The following ZNF775 variants were observed in gnomAD, a reference collection of about 807,000 sequenced individuals.
ZNF775 encodes the protein zinc finger protein 775.
ZNF775 carries 1 observed loss-of-function variant against 2.4 expected under a neutral mutation model. The observed-to-expected ratio is 0.41, with a 90% CI of 0.15 to 1.94. The LOEUF (loss-of-function observed/expected upper bound fraction) is 1.94. ZNF775 is among the 30% of genes most tolerant of loss of function. The pLI, the probability that ZNF775 is intolerant of heterozygous loss-of-function variation, is 0.30. For missense variants in ZNF775, 823 were observed against 826.6 expected, an observed-to-expected ratio of 1.00 and a Z score of 0.05; for synonymous variants, 381 against 373.3, an observed-to-expected ratio of 1.02 and a Z score of -0.24.
intron 1 of ZNF775, 123 bp from the exon 2 acceptor site, chr7:150,388,299 C>A: frequency 1.5e-6 from 1 of 685,734 alleles, no homozygotes; most frequent in Non-Finnish European, 2.5e-6. Flanking sequence ...TCGAATGTGG[C>A]TATGGATAGA....
At chr7:150,381,332 AG>A (rs1018559515) in intron 1 of ZNF775, among the ~76,000 whole-genome samples, 1 of 152,016 alleles carries the variant, frequency 6.6e-6, no homozygotes, top group Admixed American at 6.5e-5. Context: ...ATAGTGGATA[AG>A]GCAAGTGACC....
rs1285019619 is a variant in ZNF775 at position 150,384,579 on chromosome 7, C to A, written c.-49-3843C>A. Among the ~76,000 whole-genome samples, 1 of 152,198 alleles carries A rather than the reference C, an allele frequency of 6.6e-6. No individual in the cohort carries two copies. ...CTGCTGTGCCATTTCCCAGACATAG[C>A]CCACCTGAGCACACAGGTAGAGGCG... On this transcript the variant is annotated intron_variant, in intron 1 of 2. Transcript: ENST00000329630. This position sits in a 1 kb window ranked among gnomAD's most constrained non-coding sequence, Gnocchi z 4.1.
intron 2 of ZNF775, among the ~76,000 whole-genome samples, chr7:150,390,151 G>A (rs549058416): frequency 8.5e-5 from 13 of 152,218 alleles, no homozygotes; most frequent in African/African-American, 3.1e-4. Context: ...GAGGAGCGGT[G>A]CCATTATTTC....
At chr7:150,388,296 T>G (rs376614859) in intron 1 of ZNF775, 126 bp from the exon 2 acceptor site, 17 of 659,740 alleles carry the variant, frequency 2.6e-5, no homozygotes, top group African/African-American at 9.1e-5. Context: ...ATGTCGAATG[T>G]GGCTATGGAT....
intron 1 of ZNF775, chr7:150,380,181 A>C (rs1010591599): frequency 2.6e-5 from 4 of 152,196 alleles, no homozygotes; most frequent in Admixed American, 2.0e-4. Context: ...AACTGTTCCC[A>C]TGTTCATCTG....
intron 1 of ZNF775, among the ~76,000 whole-genome samples, chr7:150,387,629 C>T (rs1016539361): frequency 6.6e-6 from 1 of 152,146 alleles, no homozygotes; most frequent in Admixed American, 6.5e-5. Context: ...CTGGCTAACA[C>T]GGTGAAACCC....
Position 150,397,243 on chromosome 7 carries a change from G to T in ZNF775, c.762G>T (p.Gly254=). 7 of 1,270,674 alleles carry T rather than the reference G, an allele frequency of 5.5e-6. No individual in the cohort carries two copies. The highest frequency in any genetic ancestry group is 5.0e-6 in the Non-Finnish European group (5 of 1,004,646). The allele number at this position is 1,270,674 out of a possible 1,614,324, so 78.7% of individuals were successfully genotyped here. The part of the protein sequence containing the change: ...PRGRPEWAWL[G]LCQGWWGQPG... The stretch of plus-strand genomic sequence containing the variant: ...GGCGCCCCGAGTGGGCCTGGCTGGG[G>T]CTCTGCCAGGGCTGGTGGGGCCAGC... Residue 254 remains glycine (G), a synonymous_variant, in exon 3 of 3, where the codon GGG becomes GGT. Transcript: ENST00000329630.
chr7:150,379,635 T>G (rs1395716609), intron 1 of ZNF775, among the ~76,000 whole-genome samples: 1 of 148,700 alleles, frequency 6.7e-6, no homozygotes, highest in Non-Finnish European at 1.5e-5. Context: ...CGGCCGAGGG[T>G]GGGGAGGGCG....
rs535705895 is a variant in ZNF775, at chr7:150,391,706, C to CTTTTTTTTTTTT, written c.31+3215_31+3226dup. 4.9e-4 allele frequency among the ~76,000 whole-genome samples: 36 copies of CTTTTTTTTTTTT among 73,556 alleles called. 1 individual carries two copies. Among genetic ancestry groups the CTTTTTTTTTTTT allele is most frequent in the Non-Finnish European group, 6.3e-4 (25 of 39,580 alleles). 48.3% of individuals were successfully genotyped at this position (73,556 alleles called of 152,430 possible). A position where few individuals can be genotyped will look rare whatever the true frequency, so the allele number is the denominator to read the frequency against. ...ATTCCCATTTCTTTTTCCTTTCTTT[C>CTTTTTTTTTTTT]TTTTTTTTTTTTTTTTTTTTTGAGA... On this transcript the variant is annotated intron_variant, in intron 2 of 2. Transcript: ENST00000329630.
rs1467638506 is a variant in ZNF775, at chr7:150,397,503, A to G, written c.1022A>G (p.His341Arg). ...GGCGAGCGCCCGCACCCCTGCCCGCACTGTGGCCGCGGCTTCCGCCAGAAG... is the reference window on the plus strand; with the variant it reads ...GGCGAGCGCCCGCACCCCTGCCCGCGCTGTGGCCGCGGCTTCCGCCAGAAG... ...HTGERPHPCP[H>R]CGRGFRQKQH... Residue 341 changes from histidine (H) to arginine (R), a missense_variant, in exon 3 of 3, where the codon CAC becomes CGC. His to Arg is a conservative substitution (Grantham distance 29). Transcript: ENST00000329630. 1.9e-6 allele frequency: 3 copies of G among 1,576,124 alleles called. No individual in the cohort carries two copies. The highest frequency in any genetic ancestry group is 2.6e-6 in the Non-Finnish European group (3 of 1,168,324).
At chr7:150,389,859 TTG>T (rs71196708) in intron 2 of ZNF775, among the ~76,000 whole-genome samples, 45 of 138,872 alleles carry the variant, frequency 3.2e-4, no homozygotes, top group Middle Eastern at 3.6e-3. Context: ...TAATTTTTAT[TTG>T]TGTGTGTGTG....
At chr7:150,393,473 G>A (rs1311773276) in intron 2 of ZNF775, among the ~76,000 whole-genome samples, 2 of 152,138 alleles carry the variant, frequency 1.3e-5, no homozygotes, top group Non-Finnish European at 1.5e-5. Flanking sequence ...GCTCTTTTGG[G>A]TAAATACCTA....
intron 2 of ZNF775, 35 bp downstream of exon 2, chr7:150,388,536 G>A (rs1800497383): frequency 6.4e-7 from 1 of 1,551,220 alleles, no homozygotes. Context: ...GGGGAGCGGG[G>A]TCTCCTCTGC....
intron 1 of ZNF775, among the ~76,000 whole-genome samples, chr7:150,381,182 A>G (rs1381738330): frequency 9.8e-5 from 14 of 142,264 alleles, no homozygotes; most frequent in African/African-American, 3.6e-4. Context: ...GGAGGGGGCC[A>G]GGGGTGTGGC....
Position 150,397,177 on chromosome 7 carries a change from G to A in ZNF775, c.696G>A (p.Ala232=). 7.5e-7 allele frequency: 1 copy of A among 1,330,676 alleles called. No individual in the cohort carries two copies. The highest frequency in any genetic ancestry group is 9.6e-7 in the Non-Finnish European group (1 of 1,045,988). 82.4% of individuals were successfully genotyped at this position (1,330,676 alleles called of 1,614,324 possible). The change falls in exon 3 of 3, where the codon GCG becomes GCA. Residue 232 remains alanine, a synonymous_variant. Transcript: ENST00000329630. ...AGLHELIQDA[A]ARRACRLQPG... is the part of the protein sequence containing the mutation. ...TGCACGAGCTGATTCAGGACGCGGC[G>A]GCGCGCCGGGCCTGTCGCCTGCAGC...
chr7:150,388,409 C>T lies in ZNF775; in HGVS notation c.-49-13C>T, dbSNP rs184992635. ...CAGGCCCATTCTCTTTCTTCTGCTT[C>T]TCTTTCTGACAGATGGCAGGAAAGG... On this transcript the variant is annotated splice_polypyrimidine_tract_variant and intron_variant, in intron 1 of 2. Coordinates refer to ENST00000329630, the MANE Select transcript of ZNF775 (RefSeq NM_173680.4). 50 of 1,548,228 alleles carry T rather than the reference C, an allele frequency of 3.2e-5. No individual in the cohort carries two copies. The Admixed American group carries it at 8.2e-4, about 26-fold the overall frequency.
chr7:150,386,086 C>T (rs1368337796), intron 1 of ZNF775, among the ~76,000 whole-genome samples: 5 of 152,088 alleles, frequency 3.3e-5, no homozygotes, highest in Non-Finnish European at 7.4e-5. Context: ...CAGACATGTG[C>T]CACTACACCC....
At chr7:150,395,716 A>C (rs749142420) in intron 2 of ZNF775, among the ~76,000 whole-genome samples, 1 of 152,202 alleles carries the variant, frequency 6.6e-6, no homozygotes, top group East Asian at 1.9e-4. Flanking sequence ...GGGAAGACAA[A>C]GTGCCTCTGT....
chr7:150,379,763 C>G (rs575914518), intron 1 of ZNF775: 1 of 152,494 alleles, frequency 6.6e-6, no homozygotes, highest in South Asian at 2.1e-4. Context: ...GTTCCGAGTT[C>G]CCCGTCCCTG....
Sources: gnomAD v4.1 joint callset for allele counts (sites outside exome capture counted in the v4.1 genomes callset) on GRCh38, gnomAD v4.1.1 for gene constraint, Gnocchi (gnomAD v3.1) non-coding constraint, MANE v1.5 for transcripts, NCBI Gene and HGNC (gene_info 2026-07-23, HGNC 2026-07-21) for gene names.